The following CMC2 variants were observed in gnomAD, a reference collection of about 807,000 sequenced individuals.
The protein encoded by CMC2 is C-X9-C motif containing 2.
A neutral mutation model predicts 7.5 loss-of-function variants in CMC2; 5 were observed. The observed-to-expected ratio is 0.66, with a 90% CI of 0.35 to 1.40. CMC2 has a LOEUF of 1.40. Among genes scored for constraint, CMC2 ranks in the 40% most tolerant of loss-of-function variants. The probability of loss-of-function intolerance (pLI) is 0.04; values close to 1 mark genes in which losing one functional copy is unlikely to be tolerated. For synonymous variants in CMC2, 37 were observed against 31.4 expected (o/e 1.18, Z -0.60); for missense variants, 115 against 92.3 (o/e 1.25, Z -1.01).
chr16:81,005,461 T>G (rs112891607), intron 1 of CMC2, among the ~76,000 whole-genome samples: 12 of 147,544 alleles, frequency 8.1e-5, no homozygotes, highest in African/African-American at 2.5e-4. Flanking sequence ...ATAAAACATT[T>G]TTAAGGCCTA....
intron 2 of CMC2, among the ~76,000 whole-genome samples, chr16:80,993,641 G>A (rs1048119244): frequency 3.3e-5 from 5 of 152,198 alleles, no homozygotes; most frequent in Non-Finnish European, 7.3e-5. Context: ...AGATCTCATT[G>A]AATATGCAAG....
chr16:81,005,658 G>A (rs1969248020), intron 1 of CMC2, among the ~76,000 whole-genome samples: 1 of 152,086 alleles, frequency 6.6e-6, no homozygotes, highest in African/African-American at 2.4e-5. Flanking sequence ...ATGCCAGGCT[G>A]CTTCTGGGAG....
chr16:81,001,762 A>G (rs1427613125), intron 1 of CMC2, among the ~76,000 whole-genome samples: 1 of 152,172 alleles, frequency 6.6e-6, no homozygotes, highest in East Asian at 1.9e-4. Flanking sequence ...AAATAATTCC[A>G]AAGGATTATA....
intron 2 of CMC2, among the ~76,000 whole-genome samples, chr16:80,990,480 G>A (rs982501069): frequency 7.2e-5 from 11 of 151,812 alleles, no homozygotes; most frequent in Non-Finnish European, 1.2e-4. Context: ...AAAAGATTTT[G>A]TAAAAGTGTC....
At position 80,969,237 on chromosome 16, in the gene CMC2, G is replaced by C. The variant is rs1045888603; in HGVS notation, c.*6856C>G. On this transcript the variant is annotated 3_prime_UTR_variant, in exon 4 of 4. Coordinates refer to ENST00000219400, the MANE Select transcript of CMC2 (RefSeq NM_020188.5). ...CCCTCATATCCCAAAATACAAATGA[G>C]TGAGGTGAGGACAGAGCATCAAGAG... 2 of 152,240 alleles carry C rather than the reference G, an allele frequency of 1.3e-5. No individual in the cohort carries two copies. Among genetic ancestry groups the C allele is most frequent in the African/African-American group, 4.8e-5 (2 of 41,436 alleles). The allele number at this position is 152,240 out of a possible 1,614,324, so 9.4% of individuals were successfully genotyped here.
chr16:80,975,648 A>G lies in CMC2; in HGVS notation c.*445T>C. On this transcript the variant is annotated 3_prime_UTR_variant, in exon 4 of 4. Transcript: ENST00000219400. ...ATTTTTTTTAATCATTTAGAAAATC[A>G]CTCTTTAAAAACAATAAAGTTGCAA... 6.5e-6 allele frequency: 1 copy of G among 152,800 alleles called. No homozygotes were observed. Among genetic ancestry groups the G allele is most frequent in the Non-Finnish European group, 1.5e-5 (1 of 68,436 alleles). The allele number at this position is 152,800 out of a possible 1,614,324, so 9.5% of individuals were successfully genotyped here. A position where few individuals can be genotyped will look rare whatever the true frequency, so the allele number is the denominator to read the frequency against.
In CMC2 at chr16:81,006,851, T is replaced by G. The variant is rs540736086; in HGVS notation, c.-153A>C. The G allele has an allele frequency of 2.0e-6, 2 of 985,660 alleles. No individual in the cohort carries two copies. The highest frequency in any genetic ancestry group is 4.7e-5 in the South Asian group (1 of 21,290). The allele number at this position is 985,660 out of a possible 1,614,324, so 61.1% of individuals were successfully genotyped here. A position where few individuals can be genotyped will look rare whatever the true frequency, so the allele number is the denominator to read the frequency against. On this transcript the variant is annotated 5_prime_UTR_variant, in exon 1 of 4. Transcript: ENST00000219400. The stretch of plus-strand genomic sequence containing the variant: ...CCGCTTGCCAGACGCCGAAACCCAG[T>G]GACGCCCTCCACCGCTCCACCGTGC...
chr16:81,001,668 C>A (rs1968878761), intron 1 of CMC2, among the ~76,000 whole-genome samples: 2 of 152,114 alleles, frequency 1.3e-5, no homozygotes, highest in Non-Finnish European at 2.9e-5. Flanking sequence ...GTAAATTATA[C>A]CTCAAGCTGT....
At chr16:80,988,480 T>C (rs1308744222) in intron 2 of CMC2, 1 of 690,100 alleles carries the variant, frequency 1.4e-6, no homozygotes, top group Non-Finnish European at 2.6e-6. Flanking sequence ...CCAAGAACAG[T>C]ACAAAGAATT....
intron 3 of CMC2, chr16:80,980,891 G>T (rs1020727903): frequency 5.9e-6 from 4 of 679,214 alleles, no homozygotes; most frequent in African/African-American, 5.5e-5. Context: ...TGTCTCAAAA[G>T]AAAAAAGAAA....
chr16:80,983,576 C>T (rs2151623850), intron 2 of CMC2: 1 of 152,364 alleles, frequency 6.6e-6, no homozygotes, highest in East Asian at 1.9e-4. Flanking sequence ...CTGCCATGGG[C>T]AGAGTAACTT....
At position 80,975,819 on chromosome 16, in the gene CMC2, T is replaced by C. The variant is rs1033343888; in HGVS notation, c.*274A>G. On this transcript the variant is annotated 3_prime_UTR_variant, in exon 4 of 4. Coordinates refer to ENST00000219400, the MANE Select transcript of CMC2 (RefSeq NM_020188.5). ...GAAAAAAATTATTTAAATTATTTTA[T>C]TGAAGGAGATAAGTTACTCAGATAT... 8.1e-6 allele frequency: 2 copies of C among 246,304 alleles called. No individual in the cohort carries two copies. Among genetic ancestry groups the C allele is most frequent in the African/African-American group, 2.2e-5 (1 of 44,658 alleles). 15.3% of individuals were successfully genotyped at this position (246,304 alleles called of 1,614,324 possible).
chr16:81,003,720 T>C (rs895064780), intron 1 of CMC2, among the ~76,000 whole-genome samples: 3 of 152,218 alleles, frequency 2.0e-5, no homozygotes, highest in Non-Finnish European at 4.4e-5. Flanking sequence ...TAGGCCCAAG[T>C]TCCAAAGCAG....
chr16:80,980,681 G>A (rs1394371985), intron 3 of CMC2: 15 of 530,142 alleles, frequency 2.8e-5, no homozygotes, highest in Admixed American at 9.8e-5. Context: ...CTTGAGGTTA[G>A]CAGTTTGAGA....
intron 2 of CMC2, among the ~76,000 whole-genome samples, chr16:80,989,745 T>C (rs1439298196): frequency 6.6e-6 from 1 of 152,264 alleles, no homozygotes; most frequent in Admixed American, 6.5e-5. Context: ...GAGTTCACAC[T>C]GATACCTCTA....
At chr16:80,995,577 A>C (rs541326654) in intron 2 of CMC2, among the ~76,000 whole-genome samples, 2 of 152,150 alleles carry the variant, frequency 1.3e-5, no homozygotes, top group Non-Finnish European at 2.9e-5. Flanking sequence ...GAAACACTTG[A>C]ACCTGGGAGG....
At chr16:80,978,171 G>A in intron 3 of CMC2, 1 of 647,974 alleles carries the variant, frequency 1.5e-6, no homozygotes, top group East Asian at 1.3e-4. Context: ...AAATTGTTGG[G>A]GAAAAAATCA....
chr16:81,001,794 C>A (rs1968887127), intron 1 of CMC2, among the ~76,000 whole-genome samples: 1 of 151,972 alleles, frequency 6.6e-6, no homozygotes, highest in African/African-American at 2.4e-5. Flanking sequence ...ATTTCAATTG[C>A]AACTTATAAA....
At chr16:80,994,228 A>G (rs971126912) in intron 2 of CMC2, among the ~76,000 whole-genome samples, 2 of 152,226 alleles carry the variant, frequency 1.3e-5, no homozygotes, top group Non-Finnish European at 2.9e-5. Context: ...CACAAATATC[A>G]AAAGAAAAAA....
Sources: gnomAD v4.1 joint callset for allele counts (sites outside exome capture counted in the v4.1 genomes callset) on GRCh38, gnomAD v4.1.1 for gene constraint, MANE v1.5 for transcripts, NCBI Gene and HGNC (gene_info 2026-07-23, HGNC 2026-07-21) for gene names.